The following CFAP299 variants were observed in gnomAD, a reference collection of about 807,000 sequenced individuals.
CFAP299 encodes the protein cilia and flagella associated protein 299.
In CFAP299, 21 loss-of-function variants were observed where a neutral mutation model predicts 27.0. The observed-to-expected ratio is 0.78, with a 90% confidence interval of 0.55 to 1.12. CFAP299 has a LOEUF of 1.12. Among genes scored for constraint, CFAP299 ranks in the 50% most tolerant of loss-of-function variants. The probability of loss-of-function intolerance (pLI) is 0.00; values close to 1 mark genes in which losing one functional copy is unlikely to be tolerated. For missense variants in CFAP299, 310 were observed against 276.6 expected (o/e 1.12, Z -0.86); for synonymous variants, 104 against 98.1 (o/e 1.06, Z -0.36).
chr4:80,384,939 T>G (rs1382245651), intron 2 of CFAP299, among the ~76,000 whole-genome samples: 1 of 152,184 alleles, frequency 6.6e-6, no homozygotes, highest in Non-Finnish European at 1.5e-5. Context: ...CATTAAAAAT[T>G]ATATATATTT....
intron 3 of CFAP299, among the ~76,000 whole-genome samples, chr4:80,825,535 A>G (rs549125817): frequency 6.6e-6 from 1 of 152,148 alleles, no homozygotes; most frequent in African/African-American, 2.4e-5. Context: ...GATTTTCAGC[A>G]AAAGTATCAA....
the CFAP299 span, among the ~76,000 whole-genome samples, chr4:80,328,393 T>C: frequency 1.3e-5 from 2 of 151,842 alleles, no homozygotes; most frequent in Non-Finnish European, 2.9e-5. Context: ...GAGGATGATA[T>C]CCAGAGAATT....
At chr4:80,564,468 A>T (rs1601511) in intron 2 of CFAP299, among the ~76,000 whole-genome samples, 6,081 of 152,140 alleles carry the variant, frequency 0.04, 355 homozygotes, top group African/African-American at 0.13. Flanking sequence ...AGTATTTGAT[A>T]TAATTCAACA....
At chr4:80,772,767 T>C (rs1726294431) in intron 3 of CFAP299, among the ~76,000 whole-genome samples, 2 of 152,084 alleles carry the variant, frequency 1.3e-5, no homozygotes, top group Admixed American at 1.3e-4. Context: ...CCTGTGTCCA[T>C]GTGTTCTCAT....
chr4:80,958,722 T>C (rs1000588123), intron 5 of CFAP299, among the ~76,000 whole-genome samples: 1 of 152,218 alleles, frequency 6.6e-6, no homozygotes, highest in Admixed American at 6.5e-5. Flanking sequence ...TTGTGCATCA[T>C]ATGCAGCCCT....
chr4:80,523,001 A>C (rs1478387942), intron 2 of CFAP299, among the ~76,000 whole-genome samples: 1 of 149,308 alleles, frequency 6.7e-6, no homozygotes, highest in Non-Finnish European at 1.5e-5. Context: ...GTTCCACATG[A>C]ATTTTAGGAT....
chr4:80,587,852 A>G (rs1195547003), intron 3 of CFAP299, among the ~76,000 whole-genome samples: 9 of 151,588 alleles, frequency 5.9e-5, no homozygotes, highest in Admixed American at 5.9e-4. Context: ...TGGGCCTCCC[A>G]AAGTGCAGGC....
chr4:80,704,892 T>C (rs115789659), intron 3 of CFAP299, among the ~76,000 whole-genome samples: 1,631 of 151,954 alleles, frequency 0.011, 23 homozygotes, highest in African/African-American at 0.037. Context: ...CCTCCAGTGT[T>C]AAATGGTAAT....
chr4:80,585,473 C>T (rs1406626430), intron 3 of CFAP299, among the ~76,000 whole-genome samples: 3 of 152,146 alleles, frequency 2.0e-5, no homozygotes, highest in Non-Finnish European at 4.4e-5. Context: ...CTTATCAGAT[C>T]TCACATCCAT....
chr4:80,875,514 A>T (rs890521041), intron 4 of CFAP299, among the ~76,000 whole-genome samples: 1 of 152,048 alleles, frequency 6.6e-6, no homozygotes, highest in Non-Finnish European at 1.5e-5. Context: ...ACAAAAAAAA[A>T]TTAGCTGGCC....
chr4:80,678,229 C>T (rs1166142157), intron 3 of CFAP299, among the ~76,000 whole-genome samples: 1 of 151,992 alleles, frequency 6.6e-6, no homozygotes, highest in Non-Finnish European at 1.5e-5. Flanking sequence ...TTACCCTCCC[C>T]TCAACCTTCA....
rs17004937 is a variant in CFAP299, at chr4:80,541,046, A to G, written c.243-42047A>G. On this transcript the variant is annotated intron_variant, in intron 2 of 5. Coordinates refer to ENST00000358105, the MANE Select transcript of CFAP299 (RefSeq NM_152770.3). Reference sequence around the variant, plus strand: ...TTATTCAAATTAAAACCTTGCTACAAAAAGAGAAATTTGCTTCCCCTAAGA... The same window carrying G: ...TTATTCAAATTAAAACCTTGCTACAGAAAGAGAAATTTGCTTCCCCTAAGA... 9.0e-3 allele frequency among the ~76,000 whole-genome samples: 1,376 copies of G among 152,268 alleles called. 22 individuals are homozygous for G. Among genetic ancestry groups the G allele is most frequent in the African/African-American group, 0.031 (1,269 of 41,554 alleles).
intron 2 of CFAP299, among the ~76,000 whole-genome samples, chr4:80,546,604 T>G (rs1734239594): frequency 1.3e-5 from 2 of 152,118 alleles, no homozygotes. Flanking sequence ...TGGGAGGTAT[T>G]TGGGTCATGG....
intron 3 of CFAP299, among the ~76,000 whole-genome samples, chr4:80,596,899 T>C (rs767817498): frequency 1.2e-4 from 18 of 152,216 alleles, no homozygotes; most frequent in Non-Finnish European, 2.9e-5. Flanking sequence ...CATGTTGTCG[T>C]GTGCAGTTGT....
chr4:80,785,542 T>C (rs1169351604), intron 3 of CFAP299, among the ~76,000 whole-genome samples: 1 of 152,200 alleles, frequency 6.6e-6, no homozygotes, highest in Non-Finnish European at 1.5e-5. Flanking sequence ...AACATTTATT[T>C]AGTAGAAATT....
intron 3 of CFAP299, among the ~76,000 whole-genome samples, chr4:80,724,495 T>G (rs555299322): frequency 6.6e-6 from 1 of 152,280 alleles, no homozygotes; most frequent in East Asian, 1.9e-4. Context: ...TATACATTAT[T>G]ATAACTCAAA....
intron 2 of CFAP299, chr4:80,388,729 A>G: frequency 1.7e-6 from 1 of 584,084 alleles, no homozygotes; most frequent in Non-Finnish European, 3.0e-6. Flanking sequence ...TGGAGCCCCT[A>G]TATTTCTTAT....
intron 4 of CFAP299, among the ~76,000 whole-genome samples, chr4:80,936,800 A>T (rs886638040): frequency 1.3e-5 from 2 of 152,184 alleles, no homozygotes; most frequent in African/African-American, 4.8e-5. Flanking sequence ...AAAATAAAAA[A>T]ATAAAAAATA....
chr4:80,357,740 G>T (rs1254251101), intron 1 of CFAP299, among the ~76,000 whole-genome samples: 1 of 151,666 alleles, frequency 6.6e-6, no homozygotes, highest in Non-Finnish European at 1.5e-5. Flanking sequence ...TTCTTCATTA[G>T]TCTAGCTAGT....
Sources: allele counts gnomAD v4.1 joint callset (sites outside exome capture counted in the v4.1 genomes callset), GRCh38; gene constraint gnomAD v4.1.1; transcripts MANE v1.5; gene names NCBI Gene and HGNC (gene_info 2026-07-23, HGNC 2026-07-21).